ST6GALNAC2: variants seen among roughly 807,000 people sequenced by gnomAD.
The protein encoded by ST6GALNAC2 is ST6 N-acetylgalactosaminide alpha-2,6-sialyltransferase 2, also known as alpha-N-acetylgalactosaminide alpha-2,6-sialyltransferase 2.
In ST6GALNAC2, 42 loss-of-function variants were observed where a neutral mutation model predicts 38.7. The observed-to-expected ratio is 1.09, with a 90% confidence interval of 0.85 to 1.40. ST6GALNAC2 has a LOEUF of 1.40. ST6GALNAC2 is among the 40% of genes most tolerant of loss of function. The pLI is 0.00. For synonymous variants in ST6GALNAC2, 233 were observed against 209.0 expected (o/e 1.11, Z -0.99); for missense variants, 506 against 481.7 (o/e 1.05, Z -0.47).
In ST6GALNAC2 at chr17:76,573,251, G is replaced by A. The variant is rs1301303283; in HGVS notation, c.474C>T (p.Gly158=). The change falls in exon 4 of 9, where the codon GGC becomes GGT. Residue 158 remains glycine, a synonymous_variant. Transcript: ENST00000225276. The surrounding 1 kb of genome is among the most constrained non-coding windows in gnomAD (Gnocchi z 5.1). ...CIRCAVVGNG[G]ILNGSRQGPN... The stretch of plus-strand genomic sequence containing the variant: ...GACCCTGGCGGGACCCATTCAGAAT[G>A]CCTCCGTTGCCCACCACGGCACACC... 2.5e-6 allele frequency: 4 copies of A among 1,610,480 alleles called. No individual in the cohort carries two copies. The African/African-American group carries it at 5.3e-5, about 22-fold the overall frequency.
chr17:76,582,503 C>T (rs1224485480), intron 1 of ST6GALNAC2, among the ~76,000 whole-genome samples: 1 of 152,048 alleles, frequency 6.6e-6, no homozygotes, highest in Non-Finnish European at 1.5e-5. Flanking sequence ...AAAATGTTCT[C>T]TTTTTAAAAA....
In ST6GALNAC2 at chr17:76,585,656, C is replaced by T. The variant is rs573144570; in HGVS notation, c.125+28G>A. 275 of 1,509,494 alleles carry T rather than the reference C, an allele frequency of 1.8e-4. 1 individual carries two copies. The African/African-American group carries it at 3.3e-3, about 18-fold the overall frequency. The allele number at this position is 1,509,494 out of a possible 1,614,324, so 93.5% of individuals were successfully genotyped here. A position where few individuals can be genotyped will look rare whatever the true frequency, so the allele number is the denominator to read the frequency against. ...CCCGCGCCCTGGTCGCCCCTGCGCC[C>T]TCCCGCTCTGCGCTCGGCAGCCCCT... On this transcript the variant is annotated intron_variant, in intron 1 of 8. Transcript: ENST00000225276.
intron 3 of ST6GALNAC2, 35 bp downstream of exon 3, chr17:76,574,330 C>A: frequency 6.3e-7 from 1 of 1,595,620 alleles, no homozygotes; most frequent in Non-Finnish European, 8.6e-7. Flanking sequence ...GAAGCTAAGG[C>A]AGAAGGCAGG....
chr17:76,583,642 G>C (rs1238744297), intron 1 of ST6GALNAC2, among the ~76,000 whole-genome samples: 2 of 150,120 alleles, frequency 1.3e-5, no homozygotes, highest in African/African-American at 4.9e-5. Flanking sequence ...TGTGGAGCAG[G>C]GCTACCCCAT....
rs111800488 is a variant in ST6GALNAC2, at chr17:76,568,843, T to C, written c.774-47A>G. 1.1e-5 allele frequency: 18 copies of C among 1,594,600 alleles called. No individual in the cohort carries two copies. The South Asian group carries it at 1.5e-4, about 14-fold the overall frequency. On this transcript the variant is annotated intron_variant, in intron 6 of 8. Coordinates refer to ENST00000225276, the MANE Select transcript of ST6GALNAC2 (RefSeq NM_006456.3). ...GACAGAGCGCCCAGAGCCGTCGTAT[T>C]GCAAGGGGGAGATGGAGGGGAGGGT...
intron 7 of ST6GALNAC2, chr17:76,567,845 C>T (rs910655995): frequency 2.9e-6 from 1 of 339,990 alleles, no homozygotes; most frequent in Admixed American, 4.2e-5. Context: ...GTTTATTTAG[C>T]CTGAGACTGC....
intron 1 of ST6GALNAC2, among the ~76,000 whole-genome samples, chr17:76,580,243 AC>A (rs1398052635): frequency 2.6e-5 from 4 of 151,982 alleles, no homozygotes; most frequent in African/African-American, 9.7e-5. Flanking sequence ...ACATGGTGAA[AC>A]CCCATCTCTA....
chr17:76,574,503 G>A lies in ST6GALNAC2; in HGVS notation c.223C>T (p.Gln75Ter), dbSNP rs755378563. 2 of 1,544,810 alleles carry A rather than the reference G, an allele frequency of 1.3e-6. No homozygotes were observed. Among genetic ancestry groups the A allele is most frequent in the Admixed American group, 3.5e-5 (2 of 57,764 alleles). Residue 75 changes from glutamine (Q) to a stop codon, truncating the protein, a stop_gained, in exon 3 of 9, where the codon CAG (glutamine) becomes TAG (stop). Transcript: ENST00000225276. LOFTEE classifies it high-confidence loss of function. ...ACRHLLHLAIQRHPHFRGLFN... is the reference protein window; with the variant it reads ...ACRHLLHLAI ...AGGCCACGGAAGTGGGGGTGCCGCT[G>A]AATGGCCAGGTGAAGCAGGTGTCGG...
chr17:76,570,877 TC>T, intron 5 of ST6GALNAC2: 1 of 553,654 alleles, frequency 1.8e-6, no homozygotes, highest in South Asian at 2.1e-5. Context: ...CCAATTGCCA[TC>T]CCCTGGAGTA....
At chr17:76,572,614 G>A (rs1339085111) in intron 5 of ST6GALNAC2, 23 bp downstream of exon 5, 1 of 1,613,406 alleles carries the variant, frequency 6.2e-7, no homozygotes, top group African/African-American at 1.3e-5. Flanking sequence ...CAACCACAAT[G>A]GCATGCCCGC....
At chr17:76,570,853 T>G in intron 5 of ST6GALNAC2, 185 bp from the exon 6 acceptor site, 1 of 575,480 alleles carries the variant, frequency 1.7e-6, no homozygotes, top group Non-Finnish European at 3.1e-6. Context: ...TAATGCTCCT[T>G]CAGGAGGTGG....
intron 8 of ST6GALNAC2, 111 bp downstream of exon 8, chr17:76,567,342 G>A (rs1019994134): frequency 1.3e-6 from 1 of 761,090 alleles, no homozygotes; most frequent in Non-Finnish European, 2.3e-6. Flanking sequence ...GGGATTCCAC[G>A]AACAGAGGCC....
At chr17:76,577,369 G>A (rs979821534) in intron 2 of ST6GALNAC2, among the ~76,000 whole-genome samples, 9 of 151,780 alleles carry the variant, frequency 5.9e-5, no homozygotes, top group Middle Eastern at 3.2e-3. Flanking sequence ...GCGCCTGGCC[G>A]TTTTTGTCTT....
chr17:76,574,100 G>A (rs555193405), intron 3 of ST6GALNAC2, among the ~76,000 whole-genome samples: 10 of 152,308 alleles, frequency 6.6e-5, no homozygotes, highest in African/African-American at 1.2e-4. Flanking sequence ...ACCATTGGAC[G>A]CTGCAGCCTT....
At position 76,567,443 on chromosome 17, in the gene ST6GALNAC2, GGCCTCTTACCTGGTCACAGGTATGCAAA is replaced by G; in HGVS notation, c.939_957+9del. The G allele has an allele frequency of 6.2e-7, 1 of 1,601,548 alleles. No homozygotes were observed. The highest frequency in any genetic ancestry group is 8.6e-7 in the Non-Finnish European group (1 of 1,168,830). ...GCCGGCATGGGCTTCTGGAAGAGAAGGCCTCTTACCTGGTCACAGGTATGCAAAGCTGTCAGCAGCATGAGAGCCCCGG... is the reference window on the plus strand; with the variant it reads ...GCCGGCATGGGCTTCTGGAAGAGAAGGCTGTCAGCAGCATGAGAGCCCCGG... On this transcript the variant is annotated splice_donor_variant and splice_donor_5th_base_variant and coding_sequence_variant and intron_variant, in exon 8 of 9. Coordinates refer to ENST00000225276, the MANE Select transcript of ST6GALNAC2 (RefSeq NM_006456.3). LOFTEE classifies it high-confidence loss of function.
rs1348089818 is a variant in ST6GALNAC2 at position 76,570,678 on chromosome 17, T to C, written c.670-10A>G. ...AGATATACTGCAGGTCCTGTCAGAA[T>C]AGAGACAATGAGCCCAGAGGGGAAC... On this transcript the variant is annotated splice_polypyrimidine_tract_variant and intron_variant, in intron 5 of 8. Transcript: ENST00000225276. 1.9e-6 allele frequency: 3 copies of C among 1,600,968 alleles called. No individual in the cohort carries two copies. In the Admixed American group the frequency reaches 5.0e-5, roughly 27 times the overall value.
At chr17:76,577,070 T>C (rs201338935) in intron 2 of ST6GALNAC2, among the ~76,000 whole-genome samples, 76,231 of 133,960 alleles carry the variant, frequency 0.57, 21,955 homozygotes, top group East Asian at 0.8. Context: ...TTTCTTTTTT[T>C]TTTTTTTTTT....
chr17:76,584,767 C>T (rs764166358), intron 1 of ST6GALNAC2, among the ~76,000 whole-genome samples: 18 of 152,186 alleles, frequency 1.2e-4, no homozygotes, highest in Admixed American at 3.3e-4. Context: ...TTGTTTTCAT[C>T]CCGTTAGCCC....
intron 2 of ST6GALNAC2, among the ~76,000 whole-genome samples, chr17:76,578,328 C>CGGT (rs2075440643): frequency 6.6e-6 from 1 of 152,146 alleles, no homozygotes. Flanking sequence ...CTGTTACTTA[C>CGGT]GGTTATAAGG....
Sources: gnomAD v4.1 joint callset for allele counts (sites outside exome capture counted in the v4.1 genomes callset) on GRCh38, gnomAD v4.1.1 for gene constraint, Gnocchi (gnomAD v3.1) non-coding constraint, MANE v1.5 for transcripts, NCBI Gene and HGNC (gene_info 2026-07-23, HGNC 2026-07-21) for gene names.